LRP2: variants seen among roughly 807,000 people sequenced by gnomAD.
LRP2 encodes low-density lipoprotein receptor-related protein 2.
LRP2 carries 172 observed loss-of-function variants against 531.0 expected under a neutral mutation model. The observed-to-expected ratio is 0.32, with a 90% CI of 0.29 to 0.37. The LOEUF is 0.37. LRP2 is among the 10% of genes least tolerant of loss of function. The pLI, the probability that LRP2 is intolerant of heterozygous loss-of-function variation, is 1.00. For missense variants in LRP2, 5,167 were observed against 5,868.3 expected, an observed-to-expected ratio of 0.88 and a Z score of 3.90; for synonymous variants, 1,992 against 2,027.6, an observed-to-expected ratio of 0.98 and a Z score of 0.47.
At chr2:169,199,778 T>C (rs1157298264) in intron 44 of LRP2, among the ~76,000 whole-genome samples, 2 of 152,222 alleles carry the variant, frequency 1.3e-5, no homozygotes, top group Non-Finnish European at 1.5e-5. Context: ...TTATTGTTAA[T>C]AGTATTCTTT....
At chr2:169,187,230 C>A (rs1438552349) in intron 49 of LRP2, among the ~76,000 whole-genome samples, 1 of 152,064 alleles carries the variant, frequency 6.6e-6, no homozygotes, top group African/African-American at 2.4e-5. Context: ...TTCTGTCTAG[C>A]ATTTAATTTT....
intron 1 of LRP2, among the ~76,000 whole-genome samples, chr2:169,357,104 A>G (rs1262650105): frequency 1.3e-5 from 2 of 152,122 alleles, no homozygotes; most frequent in Admixed American, 6.6e-5. Flanking sequence ...CGATAGAACC[A>G]TTTGATTTAT....
chr2:169,179,832 C>T (rs184401751), intron 52 of LRP2, among the ~76,000 whole-genome samples: 17 of 113,630 alleles, frequency 1.5e-4, no homozygotes, highest in Non-Finnish European at 3.1e-4. Context: ...TTGCTTTATG[C>T]ATCTATGAAA....
At chr2:169,302,936 T>C (rs1684321570) in intron 4 of LRP2, among the ~76,000 whole-genome samples, 1 of 152,156 alleles carries the variant, frequency 6.6e-6, no homozygotes, top group African/African-American at 2.4e-5. Context: ...AATATCTGAT[T>C]ATTTTAAAGA....
intron 20 of LRP2, 41 bp downstream of exon 20, chr2:169,247,337 C>CAAAA: frequency 6.2e-7 from 1 of 1,609,000 alleles, no homozygotes; most frequent in East Asian, 2.2e-5. Context: ...AATAAATAAA[C>CAAAA]CCATACAAAA....
intron 45 of LRP2, among the ~76,000 whole-genome samples, chr2:169,197,655 C>T (rs981937094): frequency 2.6e-5 from 4 of 152,186 alleles, no homozygotes; most frequent in Admixed American, 2.6e-4. Context: ...TGTAATTCTT[C>T]TGGTCTATAA....
Position 169,129,017 on chromosome 2 carries a change from G to A in LRP2, c.13796C>T (p.Ala4599Val), listed in dbSNP as rs1685192012. ...QTTNFENPIY[A>V]QMENEQKESV... ...AGAAAAATTGTTAAAAATTACCTGT[G>A]CATAGATTGGATTTTCAAAGTTGGT... The change falls in exon 78 of 79, where the codon GCA becomes GTA. Residue 4599 changes from alanine (A) to valine (V), a missense_variant. By Grantham distance (64) the Ala-to-Val change is moderately conservative. Transcript: ENST00000649046. 1 of 1,607,068 alleles carries A rather than the reference G, an allele frequency of 6.2e-7. No individual in the cohort carries two copies. The highest frequency in any genetic ancestry group is 8.5e-7 in the Non-Finnish European group (1 of 1,173,598).
At chr2:169,173,499 T>C (rs545968610) in intron 56 of LRP2, among the ~76,000 whole-genome samples, 1 of 152,294 alleles carries the variant, frequency 6.6e-6, no homozygotes, top group African/African-American at 2.4e-5. Flanking sequence ...AAAACCTGGG[T>C]TGAAGTGTTA....
At chr2:169,166,098 A>C in intron 61 of LRP2, 44 bp from the exon 62 acceptor site, 1 of 1,606,456 alleles carries the variant, frequency 6.2e-7, no homozygotes, top group East Asian at 2.2e-5. Flanking sequence ...TTAACAGTAG[A>C]ATCTAAGTGT....
In LRP2 at chr2:169,205,567, C is replaced by A. The variant is rs149259672; in HGVS notation, c.7627G>T (p.Val2543Leu). The change falls in exon 41 of 79, where the codon GTA becomes TTA. Residue 2543 changes from valine to leucine, a missense_variant. Coordinates refer to ENST00000649046, the MANE Select transcript of LRP2 (RefSeq NM_004525.3). ...ERATLGGNFR[V>L]PIVNSSLVMP... ...ACCAGACTGCTGTTCACAATGGGTACGCGGAAGTTTCCTCCCAATGTGGCT... is the reference window on the plus strand; with the variant it reads ...ACCAGACTGCTGTTCACAATGGGTAAGCGGAAGTTTCCTCCCAATGTGGCT... 6.2e-7 allele frequency: 1 copy of A among 1,614,020 alleles called. No homozygotes were observed. Among genetic ancestry groups the A allele is most frequent in the South Asian group, 1.1e-5 (1 of 91,076 alleles).
intron 4 of LRP2, among the ~76,000 whole-genome samples, chr2:169,299,285 A>G (rs1684230046): frequency 1.3e-5 from 2 of 152,082 alleles, no homozygotes; most frequent in African/African-American, 4.8e-5. Flanking sequence ...GCTTTCAGGA[A>G]GCCAAAGGAA....
At chr2:169,286,792 A>G (rs564252812) in intron 9 of LRP2, among the ~76,000 whole-genome samples, 32 of 152,312 alleles carry the variant, frequency 2.1e-4, no homozygotes, top group Non-Finnish European at 4.4e-4. Context: ...TCAAGTTTCA[A>G]CTGTAAGACA....
At chr2:169,330,693 G>A (rs190820591) in intron 1 of LRP2, among the ~76,000 whole-genome samples, 1 of 152,194 alleles carries the variant, frequency 6.6e-6, no homozygotes, top group African/African-American at 2.4e-5. Flanking sequence ...TGGAACACCA[G>A]TAGTGCTCCC....
intron 53 of LRP2, among the ~76,000 whole-genome samples, chr2:169,177,302 C>G (rs537334758): frequency 5.8e-4 from 88 of 152,190 alleles, no homozygotes; most frequent in African/African-American, 2.0e-3. Context: ...TATAAGTTCA[C>G]AATCAAATAA....
In LRP2 at chr2:169,202,823, C is replaced by G. The variant is rs1234634776; in HGVS notation, c.8142G>C (p.Ser2714=). 6.2e-7 allele frequency: 1 copy of G among 1,614,060 alleles called. No homozygotes were observed. Among genetic ancestry groups the G allele is most frequent in the Non-Finnish European group, 8.5e-7 (1 of 1,180,050 alleles). ...SFTCSNGRCI[S]EEWKCDNDND... ...TGTCATTATCACACTTCCACTCTTC[C>G]GAGATGCAGCGCCCATTGGAGCAGG... Residue 2714 remains serine, a synonymous_variant, in exon 43 of 79, where the codon TCG becomes TCC. Coordinates refer to ENST00000649046, the MANE Select transcript of LRP2 (RefSeq NM_004525.3).
chr2:169,276,867 T>C (rs1275612724), intron 13 of LRP2, among the ~76,000 whole-genome samples: 1 of 152,028 alleles, frequency 6.6e-6, no homozygotes, highest in Non-Finnish European at 1.5e-5. Context: ...TAAGTTGTAG[T>C]TAGCTCTAAT....
At chr2:169,255,668 G>A (rs891827831) in intron 19 of LRP2, among the ~76,000 whole-genome samples, 5 of 152,086 alleles carry the variant, frequency 3.3e-5, no homozygotes, top group East Asian at 1.9e-4. Context: ...ATGTGTAATC[G>A]TTTTTTCCAC....
chr2:169,348,830 G>A (rs531468574), intron 1 of LRP2, among the ~76,000 whole-genome samples: 15 of 151,908 alleles, frequency 9.9e-5, no homozygotes, highest in South Asian at 6.2e-4. Context: ...GTGGAGAAAA[G>A]GGGGGAGTCA....
rs970040434 is a variant in LRP2, at chr2:169,200,375, C to A, written c.8452+1253G>T. 2.6e-5 allele frequency among the ~76,000 whole-genome samples: 4 copies of A among 152,064 alleles called. 1 individual carries two copies. Among genetic ancestry groups the A allele is most frequent in the African/African-American group, 7.2e-5 (3 of 41,400 alleles). On this transcript the variant is annotated intron_variant, in intron 44 of 78. Coordinates refer to ENST00000649046, the MANE Select transcript of LRP2 (RefSeq NM_004525.3). ...TCAACCCTGTGATAATTTCTAAGTA[C>A]CACAAAGGGAATGAGGTCTCCTTGG...
Sources: allele counts gnomAD v4.1 joint callset (sites outside exome capture counted in the v4.1 genomes callset), GRCh38; gene constraint gnomAD v4.1.1; transcripts MANE v1.5; gene names NCBI Gene and HGNC (gene_info 2026-07-23, HGNC 2026-07-21).